Variants in TNKS observed in about 807,000 individuals in gnomAD.
TNKS encodes poly [ADP-ribose] polymerase tankyrase-1.
TNKS carries 72 observed loss-of-function variants against 135.8 expected under a neutral mutation model. The observed-to-expected ratio is 0.53, with a 90% CI of 0.44 to 0.64. TNKS has a LOEUF of 0.64. Ranked by LOEUF, TNKS falls within the 30% of genes least tolerant of loss-of-function variation. The probability of loss-of-function intolerance (pLI) is 0.00; values close to 1 mark genes in which losing one functional copy is unlikely to be tolerated. For synonymous variants in TNKS, 849 were observed against 649.3 expected, an observed-to-expected ratio of 1.31 and a Z score of -4.68; for missense variants, 1,769 against 1,674.0, an observed-to-expected ratio of 1.06 and a Z score of -0.99.
chr8:9,614,994 AATGAGT>A (rs1410313935), intron 2 of TNKS, among the ~76,000 whole-genome samples: 12 of 152,328 alleles, frequency 7.9e-5, no homozygotes, highest in African/African-American at 2.9e-4. Flanking sequence ...TGATGGAAAG[AATGAGT>A]ATAAGAGGCA....
chr8:9,735,452 G>T lies in TNKS; in HGVS notation c.2609G>T (p.Gly870Val). 6.2e-7 allele frequency: 1 copy of T among 1,614,062 alleles called. No homozygotes were observed. The highest frequency in any genetic ancestry group is 8.5e-7 in the Non-Finnish European group (1 of 1,179,990). ...GADVNAQDKG[G>V]LIPLHNAASY... Reference sequence around the variant, plus strand: ...GATGTTAATGCCCAGGACAAGGGTGGTTTAATTCCTCTTCATAATGCGGCA... The same window carrying T: ...GATGTTAATGCCCAGGACAAGGGTGTTTTAATTCCTCTTCATAATGCGGCA... The change falls in exon 17 of 27, where the codon GGT (glycine) becomes GTT (valine). Residue 870 changes from glycine to valine, a missense_variant. Gly to Val is a moderately radical substitution (Grantham distance 109, BLOSUM62 -3). Transcript: ENST00000310430.
chr8:9,719,049 A>G (rs1032049961), intron 11 of TNKS, among the ~76,000 whole-genome samples: 1 of 152,192 alleles, frequency 6.6e-6, no homozygotes, highest in Non-Finnish European at 1.5e-5. Context: ...ATCAAAATTC[A>G]AGTTAGTTTG....
Position 9,698,374 on chromosome 8 carries a change from G to GAAAAAAAA in TNKS, c.1108-6279_1108-6272dup, listed in dbSNP as rs34311181. ...GTATCTAAAAGTTAAATTTTAAAAT[G>GAAAAAAAA]AAAAAAAAAAAAAAAAAGCTTAAGT... is the stretch of plus-strand genomic sequence containing the variant. On this transcript the variant is annotated intron_variant, in intron 5 of 26. Coordinates refer to ENST00000310430, the MANE Select transcript of TNKS (RefSeq NM_003747.3). Among the ~76,000 whole-genome samples the GAAAAAAAA allele has an allele frequency of 3.6e-4, 36 of 98,758 alleles. 1 individual carries two copies. The highest frequency in any genetic ancestry group is 1.1e-3 in the African/African-American group (28 of 25,178). 64.8% of individuals were successfully genotyped at this position (98,758 alleles called of 152,430 possible).
At chr8:9,773,869 A>T (rs112640623) in intron 26 of TNKS, among the ~76,000 whole-genome samples, 1 of 152,182 alleles carries the variant, frequency 6.6e-6, no homozygotes, top group Non-Finnish European at 1.5e-5. Context: ...TCTCATGAGC[A>T]GTTTTTGCTA....
intron 2 of TNKS, among the ~76,000 whole-genome samples, chr8:9,586,890 G>T (rs549169999): frequency 6.6e-6 from 1 of 152,102 alleles, no homozygotes; most frequent in East Asian, 1.9e-4. Context: ...ACCGTGGTCT[G>T]CTGCGAAGAA....
chr8:9,714,442 TCTTTTC>T (rs1268913906), intron 11 of TNKS, among the ~76,000 whole-genome samples: 2 of 152,194 alleles, frequency 1.3e-5, no homozygotes, highest in Non-Finnish European at 2.9e-5. Flanking sequence ...CCCACATTTG[TCTTTTC>T]AAATGTGTAT....
At chr8:9,626,982 C>A (rs904100210) in intron 3 of TNKS, among the ~76,000 whole-genome samples, 3 of 152,126 alleles carry the variant, frequency 2.0e-5, no homozygotes, top group Non-Finnish European at 1.5e-5. Context: ...GGAGGCTGGT[C>A]ATTGGATAGA....
chr8:9,602,392 A>G (rs1461238342), intron 2 of TNKS, among the ~76,000 whole-genome samples: 2 of 152,334 alleles, frequency 1.3e-5, no homozygotes, highest in African/African-American at 2.4e-5. Flanking sequence ...AAGAGCCAGT[A>G]GAAGAGAGAG....
intron 11 of TNKS, among the ~76,000 whole-genome samples, chr8:9,718,112 T>A (rs1025620936): frequency 1.3e-5 from 2 of 152,200 alleles, no homozygotes; most frequent in African/African-American, 4.8e-5. Context: ...TTTGTTCTCA[T>A]AATACTTGGA....
At chr8:9,728,951 A>G (rs982531605) in intron 13 of TNKS, among the ~76,000 whole-genome samples, 2 of 152,154 alleles carry the variant, frequency 1.3e-5, no homozygotes, top group East Asian at 1.9e-4. Flanking sequence ...AAAAAATACC[A>G]TAGACTGGGC....
intron 3 of TNKS, among the ~76,000 whole-genome samples, chr8:9,655,515 A>C (rs1801322531): frequency 6.6e-6 from 1 of 152,194 alleles, no homozygotes; most frequent in Non-Finnish European, 1.5e-5. Context: ...CTGACACTTC[A>C]CACGGCTGGG....
chr8:9,604,217 G>C (rs548897510), intron 2 of TNKS, among the ~76,000 whole-genome samples: 1 of 152,126 alleles, frequency 6.6e-6, no homozygotes, highest in East Asian at 1.9e-4. Flanking sequence ...AGCTCATCAT[G>C]TTTTGAAGTT....
chr8:9,769,453 A>G (rs1178545005), intron 25 of TNKS, among the ~76,000 whole-genome samples: 3 of 152,114 alleles, frequency 2.0e-5, no homozygotes, highest in African/African-American at 4.8e-5. Context: ...CCCAGTTTCT[A>G]CTTTTTTCCC....
chr8:9,645,748 T>C (rs1429565825), intron 3 of TNKS, among the ~76,000 whole-genome samples: 2 of 152,196 alleles, frequency 1.3e-5, no homozygotes, highest in African/African-American at 2.4e-5. Flanking sequence ...TTTGATCTTA[T>C]TCCTGTCATT....
chr8:9,667,328 G>T (rs1480591122), intron 3 of TNKS, among the ~76,000 whole-genome samples: 1 of 152,204 alleles, frequency 6.6e-6, no homozygotes, highest in Non-Finnish European at 1.5e-5. Context: ...CAGGATATAT[G>T]AACAAAGCGT....
At chr8:9,595,416 T>C (rs953908766) in intron 2 of TNKS, among the ~76,000 whole-genome samples, 1 of 152,154 alleles carries the variant, frequency 6.6e-6, no homozygotes, top group African/African-American at 2.4e-5. Context: ...CCGCTGACAC[T>C]GAGTACTCTT....
chr8:9,751,423 T>G (rs1338962696), intron 18 of TNKS, among the ~76,000 whole-genome samples, 186 bp from the exon 19 acceptor site: 1 of 152,178 alleles, frequency 6.6e-6, no homozygotes, highest in Non-Finnish European at 1.5e-5. Flanking sequence ...GTTTCTCCAA[T>G]TCTGTCTACT....
intron 1 of TNKS, among the ~76,000 whole-genome samples, chr8:9,561,021 C>G (rs1271298614): frequency 2.0e-5 from 3 of 152,058 alleles, no homozygotes; most frequent in Non-Finnish European, 4.4e-5. Context: ...AAATTTGTAA[C>G]AAGCCAACTG....
Position 9,556,174 on chromosome 8 carries a change from C to G in TNKS, c.235C>G (p.Arg79Gly), listed in dbSNP as rs764665125. 3.1e-6 allele frequency: 5 copies of G among 1,612,278 alleles called. No individual in the cohort carries two copies. Among genetic ancestry groups the G allele is most frequent in the Non-Finnish European group, 4.2e-6 (5 of 1,178,980 alleles). Reference sequence around the variant, plus strand: ...CAGTCGGGATCCGCCCGACAGGCCCCGATCCCCGGACCCGGTTGACGGTAC... The same window carrying G: ...CAGTCGGGATCCGCCCGACAGGCCCGGATCCCCGGACCCGGTTGACGGTAC... ...DGSRDPPDRP[R>G]SPDPVDGTSC... The change falls in exon 1 of 27, where the codon CGA becomes GGA. Residue 79 changes from arginine (R) to glycine (G), a missense_variant. This residue lies in a region of TNKS where 450 missense variants were observed against 304.9 expected (regional missense o/e 1.48). Coordinates refer to ENST00000310430, the MANE Select transcript of TNKS (RefSeq NM_003747.3).
Sources: gnomAD v4.1 joint callset for allele counts (sites outside exome capture counted in the v4.1 genomes callset) on GRCh38, gnomAD v4.1.1 for gene constraint, gnomAD v4.1.1 regional missense constraint, MANE v1.5 for transcripts, NCBI Gene and HGNC (gene_info 2026-07-23, HGNC 2026-07-21) for gene names.